The following CDH8 variants were observed in gnomAD, a reference collection of about 807,000 sequenced individuals.
CDH8 encodes cadherin-8.
Under a neutral mutation model 68.1 loss-of-function variants are expected in CDH8, and 17 were observed. The observed-to-expected ratio is 0.25, with a 90% confidence interval of 0.17 to 0.37. The LOEUF (loss-of-function observed/expected upper bound fraction) is 0.37. Among genes scored for constraint, CDH8 ranks in the 10% least tolerant of loss-of-function variants. The pLI is 1.00. For synonymous variants in CDH8, 372 were observed against 365.1 expected, an observed-to-expected ratio of 1.02 and a Z score of -0.21; for missense variants, 763 against 999.3, an observed-to-expected ratio of 0.76 and a Z score of 3.19.
intron 7 of CDH8, among the ~76,000 whole-genome samples, chr16:61,797,313 A>T (rs1179609891): frequency 2.0e-5 from 3 of 152,186 alleles, no homozygotes; most frequent in Middle Eastern, 3.4e-3. Context: ...AATGTCGTGG[A>T]TCTTTCATTT....
At chr16:62,008,591 C>T (rs529491071) in intron 2 of CDH8, among the ~76,000 whole-genome samples, 37 of 152,206 alleles carry the variant, frequency 2.4e-4, no homozygotes, top group African/African-American at 8.2e-4. Context: ...GCCTCCAACT[C>T]CCGGGCTCAG....
At chr16:61,915,214 G>A (rs530983675) in intron 2 of CDH8, among the ~76,000 whole-genome samples, 3 of 152,182 alleles carry the variant, frequency 2.0e-5, no homozygotes, top group South Asian at 2.1e-4. Flanking sequence ...GGCTACAGTC[G>A]GAAAATATAC....
chr16:61,729,137 T>C (rs1022489559), intron 8 of CDH8, among the ~76,000 whole-genome samples: 1 of 151,170 alleles, frequency 6.6e-6, no homozygotes, highest in African/African-American at 2.4e-5. Context: ...ATATGTAAGA[T>C]GTAAACCTGA....
intron 8 of CDH8, among the ~76,000 whole-genome samples, chr16:61,766,842 G>A (rs557767483): frequency 5.9e-5 from 9 of 152,026 alleles, no homozygotes; most frequent in East Asian, 1.9e-4. Context: ...GTTAATACTC[G>A]TTTGTTCTGT....
At position 61,713,980 on chromosome 16, in the gene CDH8, C is replaced by T. The variant is rs187770775; in HGVS notation, c.1537-22G>A. On this transcript the variant is annotated intron_variant, in intron 9 of 11. Transcript: ENST00000577390. Reference sequence around the variant, plus strand: ...TGACCTGAAACATAAAACTTGACGTCAGCATTTCTGATGATTTCAGAGGCT... The same window carrying T: ...TGACCTGAAACATAAAACTTGACGTTAGCATTTCTGATGATTTCAGAGGCT... 2,125 of 1,395,642 alleles carry T rather than the reference C, an allele frequency of 1.5e-3. 3 individuals carry two copies. Among genetic ancestry groups the T allele is most frequent in the Non-Finnish European group, 2.0e-3 (2,008 of 982,002 alleles). The allele number at this position is 1,395,642 out of a possible 1,614,324, so 86.5% of individuals were successfully genotyped here. A position where few individuals can be genotyped will look rare whatever the true frequency, so the allele number is the denominator to read the frequency against.
intron 3 of CDH8, among the ~76,000 whole-genome samples, chr16:61,888,654 G>A (rs968140031): frequency 6.6e-6 from 1 of 152,112 alleles, no homozygotes; most frequent in African/African-American, 2.4e-5. Context: ...TCTGTAGAAT[G>A]CTTAGGATAG....
intron 2 of CDH8, among the ~76,000 whole-genome samples, chr16:61,977,363 G>A (rs1453717789): frequency 1.3e-5 from 2 of 152,222 alleles, no homozygotes; most frequent in East Asian, 3.9e-4. Flanking sequence ...ACTATAATAA[G>A]GAGATATTAT....
At chr16:61,982,991 A>G (rs931834379) in intron 2 of CDH8, among the ~76,000 whole-genome samples, 1 of 152,196 alleles carries the variant, frequency 6.6e-6, no homozygotes, top group African/African-American at 2.4e-5. Context: ...TGTAACATAT[A>G]AAAGTAAGCT....
At chr16:61,714,210 T>G (rs913991158) in intron 9 of CDH8, 36 of 427,462 alleles carry the variant, frequency 8.4e-5, no homozygotes, top group Non-Finnish European at 1.4e-4. Flanking sequence ...TGGCTTGAAA[T>G]AGCAAAGTTA....
chr16:61,717,174 T>C (rs1964746455), intron 9 of CDH8, among the ~76,000 whole-genome samples: 1 of 151,700 alleles, frequency 6.6e-6, no homozygotes, highest in Non-Finnish European at 1.5e-5. Context: ...GCTAATAAAG[T>C]TAGTATGCAA....
chr16:61,838,828 T>C (rs2143007461), intron 4 of CDH8, among the ~76,000 whole-genome samples: 1 of 152,314 alleles, frequency 6.6e-6, no homozygotes, highest in African/African-American at 2.4e-5. Flanking sequence ...ATTTATGTTT[T>C]GAGTAACTTT....
chr16:61,959,925 G>C (rs1369355389), intron 2 of CDH8, among the ~76,000 whole-genome samples: 1 of 136,202 alleles, frequency 7.3e-6, no homozygotes, highest in East Asian at 2.2e-4. Flanking sequence ...ACAGAGGGAG[G>C]ATATGGTCAT....
At chr16:61,685,919 T>C (rs1293390844) in intron 10 of CDH8, among the ~76,000 whole-genome samples, 3 of 151,940 alleles carry the variant, frequency 2.0e-5, no homozygotes, top group Non-Finnish European at 2.9e-5. Context: ...TTCATTGGAA[T>C]TGGATGGTAA....
At chr16:61,850,398 C>A (rs1962913145) in intron 4 of CDH8, among the ~76,000 whole-genome samples, 3 of 151,936 alleles carry the variant, frequency 2.0e-5, no homozygotes, top group African/African-American at 7.2e-5. Flanking sequence ...TCACTTCCAA[C>A]ATTGGAGGTC....
At chr16:61,856,752 C>G (rs977757915) in intron 4 of CDH8, among the ~76,000 whole-genome samples, 1 of 152,128 alleles carries the variant, frequency 6.6e-6, no homozygotes, top group South Asian at 2.1e-4. Context: ...ACCCATTTTA[C>G]AGATGTGCAA....
chr16:61,707,591 A>C (rs1964557188), intron 10 of CDH8, among the ~76,000 whole-genome samples: 1 of 152,108 alleles, frequency 6.6e-6, no homozygotes, highest in Non-Finnish European at 1.5e-5. Flanking sequence ...TCTTCAATAA[A>C]CTGAGGGATC....
chr16:61,779,432 T>TGTGTGC (rs1432092298), intron 8 of CDH8, among the ~76,000 whole-genome samples: 2 of 144,218 alleles, frequency 1.4e-5, no homozygotes, highest in Non-Finnish European at 3.0e-5. Flanking sequence ...TTTATGTGTG[T>TGTGTGC]GTGTGTGTGT....
At position 62,032,414 on chromosome 16, in the gene CDH8, C is replaced by T. The variant is rs567949022; in HGVS notation, c.-200+3666G>A. Among the ~76,000 whole-genome samples, 4 of 152,258 alleles carry T rather than the reference C, an allele frequency of 2.6e-5. No individual in the cohort carries two copies. In the East Asian group the frequency reaches 7.7e-4, roughly 29 times the overall value. ...TCATTGGTTTATCTACACCCTCCCA[C>T]CCTGAGAAGTGTATAACACACCAAA... On this transcript the variant is annotated intron_variant, in intron 1 of 11. Coordinates refer to ENST00000577390, the MANE Select transcript of CDH8 (RefSeq NM_001796.5).
At chr16:61,788,182 C>T (rs190962598) in intron 8 of CDH8, among the ~76,000 whole-genome samples, 2 of 151,874 alleles carry the variant, frequency 1.3e-5, no homozygotes, top group African/African-American at 4.8e-5. Flanking sequence ...AGGACATTTT[C>T]CTCACATCAC....
Sources: allele counts gnomAD v4.1 joint callset (sites outside exome capture counted in the v4.1 genomes callset), GRCh38; gene constraint gnomAD v4.1.1; transcripts MANE v1.5; gene names NCBI Gene and HGNC (gene_info 2026-07-23, HGNC 2026-07-21).